TMA16: variants seen among roughly 807,000 people sequenced by gnomAD.
The protein encoded by TMA16 is translation machinery associated 16 homolog, also known as translation machinery-associated protein 16.
Under a neutral mutation model 27.1 loss-of-function variants are expected in TMA16, and 26 were observed. The ratio of observed to expected loss-of-function variants is 0.96; its 90% CI spans 0.70 to 1.33. TMA16 has a LOEUF of 1.33. Ranked by LOEUF, TMA16 falls within the 40% of genes most tolerant of loss-of-function variation. The pLI, the probability that TMA16 is intolerant of heterozygous loss-of-function variation, is 0.00. For synonymous variants in TMA16, 71 were observed against 81.9 expected, an observed-to-expected ratio of 0.87 and a Z score of 0.72; for missense variants, 233 against 241.4, an observed-to-expected ratio of 0.97 and a Z score of 0.23.
chr4:163,512,158 GT>G (rs1737809212), intron 2 of TMA16, among the ~76,000 whole-genome samples: 1 of 151,916 alleles, frequency 6.6e-6, no homozygotes, highest in African/African-American at 2.4e-5. Context: ...GCTTCTCCAT[GT>G]TTTTATTGCC....
intron 5 of TMA16, 116 bp from the exon 6 acceptor site, chr4:163,517,318 A>G: frequency 1.0e-6 from 1 of 973,908 alleles, no homozygotes; most frequent in East Asian, 2.6e-5. Context: ...TTACAGCAAT[A>G]CTTCGAAATT....
Position 163,519,547 on chromosome 4 carries a change from G to A in TMA16, c.*33G>A. 1 of 1,503,410 alleles carries A rather than the reference G, an allele frequency of 6.7e-7. No homozygotes were observed. The highest frequency in any genetic ancestry group is 1.4e-5 in the African/African-American group (1 of 69,034). 93.1% of individuals were successfully genotyped at this position (1,503,410 alleles called of 1,614,324 possible). The stretch of plus-strand genomic sequence containing the variant: ...CACTTGAATTGAAAATAAATAATTT[G>A]AGAGCTTCAAATTATATTCATTGAT... On this transcript the variant is annotated 3_prime_UTR_variant, in exon 7 of 7. Transcript: ENST00000358572.
intron 1 of TMA16, among the ~76,000 whole-genome samples, chr4:163,504,302 T>A (rs557266242): frequency 6.6e-6 from 1 of 152,330 alleles, no homozygotes; most frequent in African/African-American, 2.4e-5. Flanking sequence ...CTTGCATTAG[T>A]CATTTATTCC....
At chr4:163,496,773 T>C (rs1737559918) in intron 1 of TMA16, among the ~76,000 whole-genome samples, 1 of 151,852 alleles carries the variant, frequency 6.6e-6, no homozygotes, top group African/African-American at 2.4e-5. Context: ...AATTTTTGTA[T>C]GTTTAGTAGA....
chr4:163,518,252 T>G (rs1737915173), intron 6 of TMA16, among the ~76,000 whole-genome samples: 1 of 152,216 alleles, frequency 6.6e-6, no homozygotes, highest in Non-Finnish European at 1.5e-5. Context: ...TGTGTTTCTG[T>G]GTTAGTTCAC....
At chr4:163,498,608 G>A (rs545301998) in intron 1 of TMA16, among the ~76,000 whole-genome samples, 1 of 152,060 alleles carries the variant, frequency 6.6e-6, no homozygotes, top group African/African-American at 2.4e-5. Context: ...TTTTGACCAA[G>A]AAATTCTATT....
chr4:163,517,330 TG>T, intron 5 of TMA16, 103 bp from the exon 6 acceptor site: 5 of 1,137,530 alleles, frequency 4.4e-6, no homozygotes, highest in Non-Finnish European at 6.4e-6. Flanking sequence ...TTCGAAATTT[TG>T]TTTTCTGTTG....
At chr4:163,515,606 AT>A in intron 5 of TMA16, 145 bp downstream of exon 5, 3 of 1,067,680 alleles carry the variant, frequency 2.8e-6, no homozygotes, top group Non-Finnish European at 3.9e-6. Flanking sequence ...GTTTAGAAAA[AT>A]TTTGGATTCT....
intron 6 of TMA16, among the ~76,000 whole-genome samples, chr4:163,518,472 G>C (rs940311416): frequency 6.6e-6 from 1 of 152,098 alleles, no homozygotes; most frequent in African/African-American, 2.4e-5. Flanking sequence ...CAAATTGTTT[G>C]TATTCAACAA....
chr4:163,519,304 G>A (rs1288699054), intron 6 of TMA16, 30 bp from the exon 7 acceptor site: 1 of 1,519,438 alleles, frequency 6.6e-7, no homozygotes. Context: ...CCAACACTCT[G>A]CACTCTTTTT....
Position 163,519,768 on chromosome 4 carries a change from G to A in TMA16, c.*254G>A, listed in dbSNP as rs2110818334. The A allele has an allele frequency of 3.9e-6, 2 of 508,982 alleles. No individual in the cohort carries two copies. The highest frequency in any genetic ancestry group is 7.1e-5 in the East Asian group (2 of 27,996). The allele number at this position is 508,982 out of a possible 1,614,324, so 31.5% of individuals were successfully genotyped here. ...TAGTCTTCATCTGAATTTCAGGCTG[G>A]GAGGGAGCAATATAACTAAGGACAA... On this transcript the variant is annotated 3_prime_UTR_variant, in exon 7 of 7. Transcript: ENST00000358572.
rs117541585 is a variant in TMA16 at position 163,515,829 on chromosome 4, A to G, written c.388+368A>G. On this transcript the variant is annotated intron_variant, in intron 5 of 6. Transcript: ENST00000358572. ...TTGGGCATCTCAGACTTGACATGTC[A>G]TGAAACAAAGGCCAGCTTTTCTCCT... The G allele has an allele frequency of 3.4e-4, 55 of 163,530 alleles. No individual in the cohort carries two copies. The East Asian group carries it at 8.4e-3, about 25-fold the overall frequency. 10.1% of individuals were successfully genotyped at this position (163,530 alleles called of 1,614,324 possible). A position where few individuals can be genotyped will look rare whatever the true frequency, so the allele number is the denominator to read the frequency against.
At chr4:163,517,960 C>T (rs139586132) in intron 6 of TMA16, among the ~76,000 whole-genome samples, 4 of 138,940 alleles carry the variant, frequency 2.9e-5, no homozygotes, top group South Asian at 4.6e-4. Context: ...AGTAGGATTT[C>T]GATTTTTTAG....
intron 1 of TMA16, among the ~76,000 whole-genome samples, chr4:163,497,615 A>G (rs1277261221): frequency 1.3e-5 from 2 of 152,176 alleles, no homozygotes; most frequent in Non-Finnish European, 2.9e-5. Context: ...ATCCAGCAGC[A>G]TGGCATCTTT....
intron 2 of TMA16, among the ~76,000 whole-genome samples, chr4:163,511,748 C>G (rs1207018242): frequency 6.6e-6 from 1 of 151,922 alleles, no homozygotes; most frequent in Admixed American, 6.6e-5. Flanking sequence ...TTGCTTGAGC[C>G]CAGGAGTTTG....
At chr4:163,499,125 TAA>T (rs1157948279) in intron 1 of TMA16, among the ~76,000 whole-genome samples, 1 of 152,220 alleles carries the variant, frequency 6.6e-6, no homozygotes, top group Non-Finnish European at 1.5e-5. Context: ...TTTTTGTTTT[TAA>T]AGTTTTTCCA....
At chr4:163,498,202 C>T (rs377457159) in intron 1 of TMA16, among the ~76,000 whole-genome samples, 4 of 152,068 alleles carry the variant, frequency 2.6e-5, no homozygotes, top group African/African-American at 9.6e-5. Context: ...CATTGCAATA[C>T]TGCTGCATTG....
At position 163,514,056 on chromosome 4, in the gene TMA16, G is replaced by C; in HGVS notation, c.155-18G>C. 6.3e-7 allele frequency: 1 copy of C among 1,575,014 alleles called. No individual in the cohort carries two copies. Among genetic ancestry groups the C allele is most frequent in the Non-Finnish European group, 8.7e-7 (1 of 1,154,280 alleles). ...GATGACTTGTGGGGTAAACTGTCTT[G>C]GTACTTGTTGTTTATAGGTGAAAAA... On this transcript the variant is annotated intron_variant, in intron 3 of 6. Coordinates refer to ENST00000358572, the MANE Select transcript of TMA16 (RefSeq NM_018352.3).
Position 163,519,815 on chromosome 4 carries a change from G to T in TMA16, c.*301G>T. On this transcript the variant is annotated 3_prime_UTR_variant, in exon 7 of 7. Coordinates refer to ENST00000358572, the MANE Select transcript of TMA16 (RefSeq NM_018352.3). ...ACAAAAAATGTTTTGTTTTTCTTGTGTATTTATGATCACCTAATTTCACGT... is the reference window on the plus strand; with the variant it reads ...ACAAAAAATGTTTTGTTTTTCTTGTTTATTTATGATCACCTAATTTCACGT... 2.0e-6 allele frequency: 1 copy of T among 501,934 alleles called. No individual in the cohort carries two copies. Among genetic ancestry groups the T allele is most frequent in the East Asian group, 3.7e-5 (1 of 27,056 alleles). The allele number at this position is 501,934 out of a possible 1,614,324, so 31.1% of individuals were successfully genotyped here. A position where few individuals can be genotyped will look rare whatever the true frequency, so the allele number is the denominator to read the frequency against.
Sources: allele counts gnomAD v4.1 joint callset (sites outside exome capture counted in the v4.1 genomes callset), GRCh38; gene constraint gnomAD v4.1.1; transcripts MANE v1.5; gene names NCBI Gene and HGNC (gene_info 2026-07-23, HGNC 2026-07-21).